The following COX19 variants were observed in gnomAD, a reference collection of about 807,000 sequenced individuals.
COX19 encodes cytochrome c oxidase assembly protein COX19.
COX19 carries 8 observed loss-of-function variants against 6.8 expected under a neutral mutation model. That is an observed-to-expected ratio of 1.18 (90% CI 0.69 to 2.12). The LOEUF is 2.12. COX19 is among the 30% of genes most tolerant of loss of function. The probability of loss-of-function intolerance (pLI) is 0.00; values close to 1 mark genes in which losing one functional copy is unlikely to be tolerated. For synonymous variants in COX19, 51 were observed against 38.0 expected (o/e 1.34, Z -1.26); for missense variants, 131 against 104.6 (o/e 1.25, Z -1.10).
chr7:970,424 C>T (rs1352942390), intron 2 of COX19, among the ~76,000 whole-genome samples: 2 of 150,200 alleles, frequency 1.3e-5, no homozygotes, highest in Admixed American at 1.3e-4. Flanking sequence ...ATGAGCCACA[C>T]TGCCCGGCCA....
chr7:973,735 G>A (rs1242323545), intron 1 of COX19, among the ~76,000 whole-genome samples: 2 of 152,014 alleles, frequency 1.3e-5, no homozygotes, highest in East Asian at 1.9e-4. Context: ...GGAGGCAGAG[G>A]TGGGCGGATC....
rs923659799 is a variant in COX19 at position 973,407 on chromosome 7, C to T, written c.83-115G>A. On this transcript the variant is annotated intron_variant, in intron 1 of 2. Transcript: ENST00000344111. ...TCAAAACTTGTTTCCTCAGGCCGGG[C>T]GCAGTGGTTCACACCTGTAATCCCA... is the stretch of plus-strand genomic sequence containing the variant. The T allele has an allele frequency of 1.2e-5, 16 of 1,319,532 alleles. No homozygotes were observed. In the East Asian group the frequency reaches 1.8e-4, roughly 15 times the overall value. 81.7% of individuals were successfully genotyped at this position (1,319,532 alleles called of 1,614,324 possible). A position where few individuals can be genotyped will look rare whatever the true frequency, so the allele number is the denominator to read the frequency against.
rs551636640 is a variant in COX19 at position 973,165 on chromosome 7, G to A, written c.194+16C>T. 1.6e-5 allele frequency: 24 copies of A among 1,512,308 alleles called. No homozygotes were observed. The Admixed American group carries it at 2.8e-4, about 18-fold the overall frequency. The allele number at this position is 1,512,308 out of a possible 1,614,324, so 93.7% of individuals were successfully genotyped here. On this transcript the variant is annotated intron_variant, in intron 2 of 2. Coordinates refer to ENST00000344111, the MANE Select transcript of COX19 (RefSeq NM_001031617.3). ...AGTAGTGGGAGGTGGAAATCATAAC[G>A]CTTAGCTGTACTCACCTCTCCATCC...
In COX19 at chr7:965,924, C is replaced by A. The variant is rs1024373801; in HGVS notation, c.*3454G>T. Among the ~76,000 whole-genome samples, 1 of 152,158 alleles carries A rather than the reference C, an allele frequency of 6.6e-6. No individual in the cohort carries two copies. The highest frequency in any genetic ancestry group is 1.5e-5 in the Non-Finnish European group (1 of 68,030). On this transcript the variant is annotated 3_prime_UTR_variant, in exon 3 of 3. Coordinates refer to ENST00000344111, the MANE Select transcript of COX19 (RefSeq NM_001031617.3). Reference sequence around the variant, plus strand: ...AAAGTGTTGGGATTATAGGCGTGAGCCACTGGCGCCCGGCCCGCTGAGGGT... The same window carrying A: ...AAAGTGTTGGGATTATAGGCGTGAGACACTGGCGCCCGGCCCGCTGAGGGT...
rs1321997787 is a variant in COX19, at chr7:967,512, T to C, written c.*1866A>G. On this transcript the variant is annotated 3_prime_UTR_variant, in exon 3 of 3. Transcript: ENST00000344111. ...TCGACGGTCTTCCCCACACTCCTGA[T>C]GGGTCAGAGTGCGGTGCGAGCGGAG... is the stretch of plus-strand genomic sequence containing the variant. 6.6e-6 allele frequency: 1 copy of C among 152,244 alleles called. No homozygotes were observed. The highest frequency in any genetic ancestry group is 2.4e-5 in the African/African-American group (1 of 41,462). The allele number at this position is 152,244 out of a possible 1,614,324, so 9.4% of individuals were successfully genotyped here.
intron 2 of COX19, among the ~76,000 whole-genome samples, chr7:972,440 AG>A (rs1266601154): frequency 6.6e-6 from 1 of 152,204 alleles, no homozygotes. Flanking sequence ...GAACATGAAA[AG>A]AGCTCAAAGT....
chr7:974,355 A>C (rs896057514), intron 1 of COX19, among the ~76,000 whole-genome samples: 1 of 151,924 alleles, frequency 6.6e-6, no homozygotes, highest in Non-Finnish European at 1.5e-5. Flanking sequence ...CCAGAAAGGA[A>C]GGAGGCCGAG....
intron 2 of COX19, chr7:972,569 T>C (rs1009922198): frequency 2.6e-5 from 4 of 152,216 alleles, no homozygotes; most frequent in Non-Finnish European, 5.9e-5. Context: ...TACCATCATA[T>C]AATTATATGC....
In COX19 at chr7:975,547, T is replaced by C; in HGVS notation, c.-38A>G. ...GGAGTCTGCGAGCGCCTTGCGAGCG[T>C]ACGCAGGGCGGCCGGCGGAGCGCCG... is the stretch of plus-strand genomic sequence containing the variant. On this transcript the variant is annotated 5_prime_UTR_variant, in exon 1 of 3. Transcript: ENST00000344111. 6.4e-7 allele frequency: 1 copy of C among 1,557,596 alleles called. No individual in the cohort carries two copies. Among genetic ancestry groups the C allele is most frequent in the South Asian group, 1.1e-5 (1 of 87,064 alleles).
chr7:974,229 A>T (rs912456369), intron 1 of COX19, among the ~76,000 whole-genome samples: 2 of 148,728 alleles, frequency 1.3e-5, no homozygotes, highest in Non-Finnish European at 3.0e-5. Context: ...CAGCCTGGGC[A>T]ACATGGGGAA....
At chr7:972,639 G>A (rs1847651438) in intron 2 of COX19, 1 of 152,174 alleles carries the variant, frequency 6.6e-6, no homozygotes, top group South Asian at 2.1e-4. Context: ...AAAGCTGTGG[G>A]GATCATAGCT....
chr7:967,717 AG>A lies in COX19; in HGVS notation c.*1660del. Reference sequence around the variant, plus strand: ...CCATGACAGCCAGAACTCCACCCCCAGGGGTGCTCGGAGGGGCTCGCGGCCG... The same window carrying A: ...CCATGACAGCCAGAACTCCACCCCCAGGGTGCTCGGAGGGGCTCGCGGCCG... On this transcript the variant is annotated 3_prime_UTR_variant, in exon 3 of 3. Transcript: ENST00000344111. The A allele has an allele frequency of 6.6e-6, 1 of 152,484 alleles. No individual in the cohort carries two copies. Among genetic ancestry groups the A allele is most frequent in the Non-Finnish European group, 1.5e-5 (1 of 68,108 alleles). 9.4% of individuals were successfully genotyped at this position (152,484 alleles called of 1,614,324 possible).
chr7:973,296 G>C lies in COX19; in HGVS notation c.83-4C>G, dbSNP rs538404156. Reference sequence around the variant, plus strand: ...TCTTTAAAGCTTTTACATTCACCTAGAACGAGAAAGAAAACAGCATGTTCT... The same window carrying C: ...TCTTTAAAGCTTTTACATTCACCTACAACGAGAAAGAAAACAGCATGTTCT... On this transcript the variant is annotated splice_polypyrimidine_tract_variant and splice_region_variant and intron_variant, in intron 1 of 2. Transcript: ENST00000344111. The C allele has an allele frequency of 4.4e-6, 7 of 1,579,078 alleles. No individual in the cohort carries two copies. The highest frequency in any genetic ancestry group is 2.3e-5 in the East Asian group (1 of 44,026).
chr7:974,199 A>G (rs1055196497), intron 1 of COX19, among the ~76,000 whole-genome samples: 1 of 151,176 alleles, frequency 6.6e-6, no homozygotes, highest in Non-Finnish European at 1.5e-5. Context: ...TCCATTTCAA[A>G]AATAAATAAA....
chr7:972,167 C>A (rs577743657), intron 2 of COX19, among the ~76,000 whole-genome samples: 1 of 152,314 alleles, frequency 6.6e-6, no homozygotes, highest in South Asian at 2.1e-4. Flanking sequence ...AATTTAAACA[C>A]GTGGCTCCAG....
In COX19 at chr7:968,026, A is replaced by G. The variant is rs1476802712; in HGVS notation, c.*1352T>C. 3.3e-5 allele frequency: 5 copies of G among 152,262 alleles called. No homozygotes were observed. The highest frequency in any genetic ancestry group is 1.2e-4 in the African/African-American group (5 of 41,460). The allele number at this position is 152,262 out of a possible 1,614,324, so 9.4% of individuals were successfully genotyped here. On this transcript the variant is annotated 3_prime_UTR_variant, in exon 3 of 3. Coordinates refer to ENST00000344111, the MANE Select transcript of COX19 (RefSeq NM_001031617.3). ...CAAGACTTTCCATCAACTAGCGGTGATATGTTAATACGTCTGCAGCACTCA... is the reference window on the plus strand; with the variant it reads ...CAAGACTTTCCATCAACTAGCGGTGGTATGTTAATACGTCTGCAGCACTCA...
chr7:973,220 C>T lies in COX19; in HGVS notation c.155G>A (p.Arg52Lys). The change falls in exon 2 of 3, where the codon AGA becomes AAA. Residue 52 changes from arginine (R) to lysine (K), a missense_variant. By Grantham distance (26) the Arg-to-Lys change is conservative. Coordinates refer to ENST00000344111, the MANE Select transcript of COX19 (RefSeq NM_001031617.3). Reference protein sequence around the residue: ...HNNNFENALCRKESKEYLECR... With the variant: ...HNNNFENALCKKESKEYLECR... ...TTCTAAATATTCTTTTGATTCCTTT[C>T]TGCACAAAGCATTTTCAAAATTATT... 5 of 1,605,610 alleles carry T rather than the reference C, an allele frequency of 3.1e-6. No individual in the cohort carries two copies. Among genetic ancestry groups the T allele is most frequent in the Non-Finnish European group, 3.4e-6 (4 of 1,176,436 alleles).
At chr7:973,835 G>A (rs1446279763) in intron 1 of COX19, among the ~76,000 whole-genome samples, 1 of 151,774 alleles carries the variant, frequency 6.6e-6, no homozygotes, top group Non-Finnish European at 1.5e-5. Context: ...GCATGGTGGC[G>A]GGTGTCTGTA....
At position 969,211 on chromosome 7, in the gene COX19, C is replaced by T. The variant is rs532084830; in HGVS notation, c.*167G>A. On this transcript the variant is annotated 3_prime_UTR_variant, in exon 3 of 3. Transcript: ENST00000344111. ...GCAGAAACACCCTCCTAAGGGAAAA[C>T]GGGACGCCACTCCCTACCCAGGAGA... is the stretch of plus-strand genomic sequence containing the variant. 1.7e-5 allele frequency: 11 copies of T among 632,146 alleles called. No individual in the cohort carries two copies. The highest frequency in any genetic ancestry group is 1.2e-4 in the South Asian group (6 of 51,572). 39.2% of individuals were successfully genotyped at this position (632,146 alleles called of 1,614,324 possible). A position where few individuals can be genotyped will look rare whatever the true frequency, so the allele number is the denominator to read the frequency against.
Sources: gnomAD v4.1 joint callset for allele counts (sites outside exome capture counted in the v4.1 genomes callset) on GRCh38, gnomAD v4.1.1 for gene constraint, MANE v1.5 for transcripts, NCBI Gene and HGNC (gene_info 2026-07-23, HGNC 2026-07-21) for gene names.